PUS10: variants seen among roughly 807,000 people sequenced by gnomAD.
PUS10 encodes pseudouridine synthase 10, also known as tRNA pseudouridine synthase Pus10.
In PUS10, 59 loss-of-function variants were observed where a neutral mutation model predicts 75.0. The ratio of observed to expected loss-of-function variants is 0.79; its 90% CI spans 0.64 to 0.98. The LOEUF is 0.98. Among genes scored for constraint, PUS10 ranks in the 50% least tolerant of loss-of-function variants. PUS10 has a pLI of 0.00. For synonymous variants in PUS10, 219 were observed against 211.6 expected, an observed-to-expected ratio of 1.03 and a Z score of -0.30; for missense variants, 650 against 614.4, an observed-to-expected ratio of 1.06 and a Z score of -0.61.
intron 14 of PUS10, 148 bp downstream of exon 14, chr2:60,953,785 T>G: frequency 1.5e-6 from 1 of 652,140 alleles, no homozygotes; most frequent in Admixed American, 2.8e-5. Context: ...ATATCCTCCT[T>G]GGAGAAATGT....
Position 61,017,016 on chromosome 2 carries a change from C to A in PUS10, c.-16+992G>T, listed in dbSNP as rs149623451. The A allele has an allele frequency of 4.8e-3, 730 of 152,462 alleles. 2 individuals are homozygous for A. Among genetic ancestry groups the A allele is most frequent in the Non-Finnish European group, 7.7e-3 (525 of 68,064 alleles). 9.4% of individuals were successfully genotyped at this position (152,462 alleles called of 1,614,324 possible). ...AGTTTTCGCCAAGCAAGCCCTTCCC[C>A]CTTCGGTCAGGTGCAACAAACTTCC... On this transcript the variant is annotated intron_variant, in intron 1 of 17. Coordinates refer to ENST00000316752, the MANE Select transcript of PUS10 (RefSeq NM_144709.4).
At chr2:60,971,977 T>A (rs1676702548) in intron 4 of PUS10, among the ~76,000 whole-genome samples, 1 of 149,684 alleles carries the variant, frequency 6.7e-6, no homozygotes, top group South Asian at 2.1e-4. Context: ...TTCAAGATAT[T>A]CTTCTGCCTC....
At chr2:60,972,253 G>C (rs1330094215) in intron 4 of PUS10, among the ~76,000 whole-genome samples, 1 of 149,376 alleles carries the variant, frequency 6.7e-6, no homozygotes, top group East Asian at 2.1e-4. Context: ...CACGACGTCA[G>C]GAGATCGAGA....
rs1674588006 is a variant in PUS10 at position 60,940,739 on chromosome 2, A to G, written c.*1656T>C. On this transcript the variant is annotated 3_prime_UTR_variant, in exon 18 of 18. Transcript: ENST00000316752. The stretch of plus-strand genomic sequence containing the variant: ...AAAAGACTGCCTCCTAAATTATTTA[A>G]ATCTCTTTTGTAGCAAAATTTTCCC... The G allele has an allele frequency of 6.6e-6, 1 of 152,302 alleles. No individual in the cohort carries two copies. The highest frequency in any genetic ancestry group is 2.1e-4 in the South Asian group (1 of 4,824). The allele number at this position is 152,302 out of a possible 1,614,324, so 9.4% of individuals were successfully genotyped here. A position where few individuals can be genotyped will look rare whatever the true frequency, so the allele number is the denominator to read the frequency against.
chr2:60,969,453 G>A (rs1313170856), intron 5 of PUS10, among the ~76,000 whole-genome samples: 1 of 152,204 alleles, frequency 6.6e-6, no homozygotes, highest in African/African-American at 2.4e-5. Flanking sequence ...ACTCATTAAA[G>A]TAAATTCAGT....
chr2:60,942,427 C>A lies in PUS10; in HGVS notation c.1558G>T (p.Asp520Tyr), dbSNP rs1456094465. The A allele has an allele frequency of 2.5e-6, 4 of 1,612,360 alleles. No individual in the cohort carries two copies. Among genetic ancestry groups the A allele is most frequent in the Non-Finnish European group, 1.7e-6 (2 of 1,178,572 alleles). ...DILELDVESV[D>Y]VDWPPALDD ...TCCAGAGCAGGTGGCCAGTCAACATCTACAGACTAGAAGGGAGAAAAGAAG... is the reference window on the plus strand; with the variant it reads ...TCCAGAGCAGGTGGCCAGTCAACATATACAGACTAGAAGGGAGAAAAGAAG... Residue 520 changes from aspartate to tyrosine, a missense_variant, in exon 18 of 18, where the codon GAT becomes TAT. Physicochemically the swap from Asp to Tyr is radical, Grantham distance 160 (BLOSUM62 -3). Coordinates refer to ENST00000316752, the MANE Select transcript of PUS10 (RefSeq NM_144709.4).
chr2:60,942,814 C>A (rs1428097528), intron 17 of PUS10, among the ~76,000 whole-genome samples: 1 of 151,992 alleles, frequency 6.6e-6, no homozygotes, highest in Non-Finnish European at 1.5e-5. Context: ...GCAGACCACT[C>A]AAAGTCAAGA....
At chr2:60,976,906 C>T (rs1006812275) in intron 4 of PUS10, among the ~76,000 whole-genome samples, 1 of 152,102 alleles carries the variant, frequency 6.6e-6, no homozygotes, top group African/African-American at 2.4e-5. Flanking sequence ...AAAAATTTTT[C>T]CTCCCCAACA....
At chr2:60,963,084 A>G (rs1318414053) in intron 8 of PUS10, among the ~76,000 whole-genome samples, 194 bp from the exon 9 acceptor site, 1 of 152,260 alleles carries the variant, frequency 6.6e-6, no homozygotes, top group Non-Finnish European at 1.5e-5. Flanking sequence ...TGCAACTGGC[A>G]TACCTCTGTA....
intron 11 of PUS10, among the ~76,000 whole-genome samples, chr2:60,958,945 T>C (rs561569779): frequency 1.3e-5 from 2 of 152,278 alleles, no homozygotes; most frequent in Admixed American, 6.5e-5. Flanking sequence ...ATATCATCCA[T>C]GCCCTGCAGT....
chr2:60,971,683 G>T, intron 4 of PUS10, 126 bp from the exon 5 acceptor site: 1 of 833,358 alleles, frequency 1.2e-6, no homozygotes, highest in Non-Finnish European at 2.0e-6. Context: ...TAGGTGACGA[G>T]TTAGTATTCA....
chr2:60,996,866 G>A (rs1046229227), intron 4 of PUS10, among the ~76,000 whole-genome samples: 3 of 152,174 alleles, frequency 2.0e-5, no homozygotes, highest in African/African-American at 4.8e-5. Context: ...ATACACAAAG[G>A]TTGGAAACTC....
In PUS10 at chr2:60,975,083, C is replaced by T. The variant is rs1282715802; in HGVS notation, c.469-3526G>A. Among the ~76,000 whole-genome samples, 3 of 152,164 alleles carry T rather than the reference C, an allele frequency of 2.0e-5. No individual in the cohort carries two copies. The East Asian group carries it at 5.8e-4, about 29-fold the overall frequency. Reference sequence around the variant, plus strand: ...TTATAGTAGTAGTATTACAAGACCCCTTCCTTTTTTCCTTTCATTTATTAG... The same window carrying T: ...TTATAGTAGTAGTATTACAAGACCCTTTCCTTTTTTCCTTTCATTTATTAG... On this transcript the variant is annotated intron_variant, in intron 4 of 17. Transcript: ENST00000316752.
chr2:60,981,967 A>G (rs572203696), intron 4 of PUS10, among the ~76,000 whole-genome samples: 13 of 152,334 alleles, frequency 8.5e-5, no homozygotes, highest in African/African-American at 1.9e-4. Context: ...AAGTAAAGTA[A>G]CAAATTAATT....
rs374575004 is a variant in PUS10, at chr2:60,962,874, A to G, written c.740T>C (p.Met247Thr). Reference protein sequence around the residue: ...AKNKQSVFTRMAVMKALNKIK... With the variant: ...AKNKQSVFTRTAVMKALNKIK... ...CTTATTCAAGGCTTTCATAACTGCC[A>G]TTCTAGTGAATACAGACTATATAGG... The change falls in exon 9 of 18, where the codon ATG becomes ACG. Residue 247 changes from methionine to threonine, a missense_variant. Coordinates refer to ENST00000316752, the MANE Select transcript of PUS10 (RefSeq NM_144709.4). The G allele has an allele frequency of 1.9e-6, 3 of 1,569,790 alleles. No homozygotes were observed. The highest frequency in any genetic ancestry group is 4.8e-5 in the East Asian group (2 of 41,760).
At chr2:60,977,464 C>T (rs6545838) in intron 4 of PUS10, among the ~76,000 whole-genome samples, 146,084 of 152,282 alleles carry the variant, frequency 0.96, 70,110 homozygotes, top group East Asian at 1. Context: ...GATTCATTTA[C>T]GTATAGGCCA....
chr2:60,989,094 A>G (rs1311943547), intron 4 of PUS10, among the ~76,000 whole-genome samples: 1 of 152,224 alleles, frequency 6.6e-6, no homozygotes. Context: ...GACTTAGCAG[A>G]CATCCCAAAA....
chr2:60,955,117 G>T, intron 11 of PUS10, 43 bp from the exon 12 acceptor site: 5 of 1,250,660 alleles, frequency 4.0e-6, no homozygotes, highest in Non-Finnish European at 5.7e-6. Flanking sequence ...AGACATCATA[G>T]CTCTAAGATA....
intron 4 of PUS10, among the ~76,000 whole-genome samples, chr2:60,997,874 GAAGTGGA>G (rs1678584397): frequency 6.6e-6 from 1 of 152,178 alleles, no homozygotes; most frequent in African/African-American, 2.4e-5. Flanking sequence ...CTTATTGAAT[GAAGTGGA>G]CCTTGGGTTG....
Sources: gnomAD v4.1 joint callset for allele counts (sites outside exome capture counted in the v4.1 genomes callset) on GRCh38, gnomAD v4.1.1 for gene constraint, MANE v1.5 for transcripts, NCBI Gene and HGNC (gene_info 2026-07-23, HGNC 2026-07-21) for gene names.